The following DNM3 variants were observed in gnomAD, a reference collection of about 807,000 sequenced individuals.
The protein encoded by DNM3 is dynamin-3.
In DNM3, 47 loss-of-function variants were observed where a neutral mutation model predicts 101.6. That is an observed-to-expected ratio of 0.46 (90% CI 0.37 to 0.59). DNM3 has a LOEUF of 0.59. DNM3 is among the 20% of genes least tolerant of loss of function. The pLI is 0.00. For missense variants in DNM3, 849 were observed against 1,085.7 expected (o/e 0.78, Z 3.06); for synonymous variants, 385 against 387.9 (o/e 0.99, Z 0.09).
intron 14 of DNM3, among the ~76,000 whole-genome samples, chr1:172,168,104 T>G (rs988675674): frequency 3.3e-5 from 5 of 152,070 alleles, no homozygotes; most frequent in Non-Finnish European, 7.4e-5. Context: ...AACTTTGCCC[T>G]ATTTCAGAAT....
intron 2 of DNM3, among the ~76,000 whole-genome samples, chr1:171,952,550 A>G (rs1349008304): frequency 6.6e-6 from 1 of 152,118 alleles, no homozygotes; most frequent in African/African-American, 2.4e-5. Context: ...TCAAATTTTC[A>G]GGTTTCTCTG....
At chr1:171,845,774 T>A (rs553121476) in intron 1 of DNM3, among the ~76,000 whole-genome samples, 14 of 152,216 alleles carry the variant, frequency 9.2e-5, no homozygotes, top group Non-Finnish European at 2.1e-4. Flanking sequence ...TTAGAGTGCA[T>A]ATAACTCATT....
chr1:172,162,771 C>T (rs1427539709), intron 14 of DNM3, among the ~76,000 whole-genome samples: 2 of 151,908 alleles, frequency 1.3e-5, no homozygotes, highest in African/African-American at 2.4e-5. Context: ...TAATTTACTT[C>T]AATCTATTTT....
At chr1:172,300,580 T>C (rs1049136829) in intron 15 of DNM3, among the ~76,000 whole-genome samples, 1 of 152,172 alleles carries the variant, frequency 6.6e-6, no homozygotes. Context: ...CCCTATTCAA[T>C]AGATGGTACT....
intron 13 of DNM3, among the ~76,000 whole-genome samples, chr1:172,109,915 T>C (rs1021620766): frequency 6.6e-6 from 1 of 152,200 alleles, no homozygotes; most frequent in East Asian, 1.9e-4. Context: ...ATTAAAAGAC[T>C]GACTTTAACC....
chr1:172,380,123 G>C (rs1225701820), intron 18 of DNM3, among the ~76,000 whole-genome samples: 1 of 151,954 alleles, frequency 6.6e-6, no homozygotes, highest in East Asian at 1.9e-4. Context: ...TTCTAAATCT[G>C]GTTCTGCTAC....
At chr1:172,257,022 A>T (rs1177082759) in intron 15 of DNM3, among the ~76,000 whole-genome samples, 2 of 151,814 alleles carry the variant, frequency 1.3e-5, no homozygotes, top group African/African-American at 4.8e-5. Context: ...AATATGGTCT[A>T]GTACATGATG....
intron 1 of DNM3, among the ~76,000 whole-genome samples, chr1:171,847,897 TG>T (rs1488067953): frequency 7.4e-5 from 8 of 108,174 alleles, no homozygotes; most frequent in Non-Finnish European, 1.6e-4. Context: ...TCTCTCTCTC[TG>T]TGTGTGTGTG....
At chr1:172,150,825 T>G (rs528909665) in intron 14 of DNM3, among the ~76,000 whole-genome samples, 240 of 152,336 alleles carry the variant, frequency 1.6e-3, no homozygotes, top group South Asian at 4.4e-3. Context: ...CTAAGCTTTA[T>G]GCAGGTAGGG....
chr1:172,042,251 T>G, intron 8 of DNM3, 107 bp downstream of exon 8: 1 of 1,075,972 alleles, frequency 9.3e-7, no homozygotes, highest in Non-Finnish European at 1.2e-6. Flanking sequence ...ACATAGTTCT[T>G]TGAACAAAAC....
rs551835132 is a variant in DNM3, at chr1:172,343,199, G to A, written c.1893+19859G>A. Among the ~76,000 whole-genome samples the A allele has an allele frequency of 1.3e-5, 2 of 152,216 alleles. 1 individual carries two copies. Among genetic ancestry groups the A allele is most frequent in the African/African-American group, 4.8e-5 (2 of 41,524 alleles). The stretch of plus-strand genomic sequence containing the variant: ...CAAAGCATTCTGGGCAGGGGGTTGG[G>A]GAATAGAGAAGCTTTAACTATTCCT... On this transcript the variant is annotated intron_variant, in intron 17 of 20. Transcript: ENST00000627582.
intron 14 of DNM3, among the ~76,000 whole-genome samples, chr1:172,179,006 C>T (rs555808841): frequency 6.6e-6 from 1 of 152,064 alleles, no homozygotes; most frequent in East Asian, 1.9e-4. Flanking sequence ...TGAGCTAATA[C>T]TCTAAAGCCA....
intron 15 of DNM3, among the ~76,000 whole-genome samples, chr1:172,291,002 C>T (rs2063892193): frequency 6.6e-6 from 1 of 152,056 alleles, no homozygotes; most frequent in Non-Finnish European, 1.5e-5. Context: ...ACAAATGCTA[C>T]AGTAAAGCCA....
intron 13 of DNM3, among the ~76,000 whole-genome samples, chr1:172,106,803 C>T (rs2055050888): frequency 6.8e-6 from 1 of 146,300 alleles, no homozygotes; most frequent in African/African-American, 2.5e-5. Context: ...GATTGTTTGC[C>T]ATTGAACGAA....
At chr1:172,198,633 G>A (rs2060040603) in intron 14 of DNM3, among the ~76,000 whole-genome samples, 1 of 151,784 alleles carries the variant, frequency 6.6e-6, no homozygotes, top group Non-Finnish European at 1.5e-5. Context: ...CTTCCTGACT[G>A]AGTATTAGAG....
In DNM3 at chr1:172,068,968, T is replaced by C. The variant is rs993772001; in HGVS notation, c.1422+63T>C. ...GGGAGGTCGAAGGTCTCTGCAAGGT[T>C]GTCTGGTAGTTCCCAACAGTCAGCC... is the stretch of plus-strand genomic sequence containing the variant. On this transcript the variant is annotated intron_variant, in intron 11 of 20. Transcript: ENST00000627582. 130 of 1,409,636 alleles carry C rather than the reference T, an allele frequency of 9.2e-5. 1 individual carries two copies. Among genetic ancestry groups the C allele is most frequent in the Admixed American group, 2.0e-4 (10 of 49,956 alleles). 87.3% of individuals were successfully genotyped at this position (1,409,636 alleles called of 1,614,324 possible).
intron 1 of DNM3, among the ~76,000 whole-genome samples, chr1:171,896,255 T>A (rs1431195960): frequency 3.3e-5 from 5 of 152,214 alleles, no homozygotes; most frequent in African/African-American, 1.2e-4. Context: ...ACAATATTGA[T>A]TCTTCCTATC....
intron 1 of DNM3, among the ~76,000 whole-genome samples, chr1:171,868,462 C>T (rs1363665678): frequency 2.0e-5 from 3 of 152,112 alleles, no homozygotes; most frequent in African/African-American, 4.8e-5. Flanking sequence ...CTGCAATCTG[C>T]GCATTGCGTG....
rs150245560 is a variant in DNM3, at chr1:172,410,736, C to G, written c.*2895C>G. 2.7e-5 allele frequency: 27 copies of G among 985,338 alleles called. No homozygotes were observed. The East Asian group carries it at 2.6e-3, about 95-fold the overall frequency. 61.0% of individuals were successfully genotyped at this position (985,338 alleles called of 1,614,324 possible). Reference sequence around the variant, plus strand: ...TCCTATTTGTTCCAATACAAACTCACTTTATTCTAAAGTATATTAATGAAA... The same window carrying G: ...TCCTATTTGTTCCAATACAAACTCAGTTTATTCTAAAGTATATTAATGAAA... On this transcript the variant is annotated 3_prime_UTR_variant, in exon 21 of 21. Coordinates refer to ENST00000627582, the MANE Select transcript of DNM3 (RefSeq NM_015569.5).
Sources: gnomAD v4.1 joint callset for allele counts (sites outside exome capture counted in the v4.1 genomes callset) on GRCh38, gnomAD v4.1.1 for gene constraint, MANE v1.5 for transcripts, NCBI Gene and HGNC (gene_info 2026-07-23, HGNC 2026-07-21) for gene names.